PAM16: variants seen among roughly 807,000 people sequenced by gnomAD.
PAM16 encodes mitochondrial import inner membrane translocase subunit TIM16.
PAM16 carries 11 observed loss-of-function variants against 17.9 expected under a neutral mutation model. The ratio of observed to expected loss-of-function variants is 0.62; its 90% confidence interval spans 0.39 to 1.02. The LOEUF is 1.02. Among genes scored for constraint, PAM16 ranks in the 50% least tolerant of loss-of-function variants. PAM16 has a pLI of 0.01. For missense variants in PAM16, 199 were observed against 165.4 expected, an observed-to-expected ratio of 1.20 and a Z score of -1.11; for synonymous variants, 72 against 67.4, an observed-to-expected ratio of 1.07 and a Z score of -0.34.
intron 4 of PAM16, 52 bp downstream of exon 4, chr16:4,340,868 G>A (rs2053633065): frequency 6.2e-7 from 1 of 1,605,692 alleles, no homozygotes; most frequent in Non-Finnish European, 8.5e-7. Context: ...AGCCCCAGGT[G>A]AGAAGAAGGG....
rs2053856910 is a variant in PAM16 at position 4,351,314 on chromosome 16, A to G, written c.-80T>C. On this transcript the variant is annotated 5_prime_UTR_variant, in exon 1 of 5. Coordinates refer to ENST00000318059, the MANE Select transcript of PAM16 (RefSeq NM_016069.11). Reference sequence around the variant, plus strand: ...GGATCAAGCGTGGTCGGCGGGTCAGAGGTCAAGGAAAGCCGCAGAGAGCGC... The same window carrying G: ...GGATCAAGCGTGGTCGGCGGGTCAGGGGTCAAGGAAAGCCGCAGAGAGCGC... 2.6e-6 allele frequency: 3 copies of G among 1,171,456 alleles called. No individual in the cohort carries two copies. The highest frequency in any genetic ancestry group is 3.4e-6 in the Non-Finnish European group (3 of 871,390). 72.6% of individuals were successfully genotyped at this position (1,171,456 alleles called of 1,614,324 possible).
chr16:4,351,180 C>A (rs961203631), intron 1 of PAM16, 52 bp downstream of exon 1: 13 of 1,192,610 alleles, frequency 1.1e-5, no homozygotes, highest in Admixed American at 6.9e-5. Flanking sequence ...GGCCCCCGGC[C>A]CCCGGCCCGA....
chr16:4,343,082 A>G, intron 2 of PAM16, 125 bp downstream of exon 2: 2 of 1,277,698 alleles, frequency 1.6e-6, no homozygotes, highest in Non-Finnish European at 1.1e-6. Context: ...ATCACCCCCC[A>G]CCATGGGAAG....
At chr16:4,344,365 T>A (rs1304184628) in intron 1 of PAM16, among the ~76,000 whole-genome samples, 1 of 708 alleles carries the variant, frequency 1.4e-3, no homozygotes, top group African/African-American at 9.3e-3. Context: ...AAGAGGGGGT[T>A]CTGTGTGAGA....
chr16:4,349,352 G>A (rs1465045102), intron 1 of PAM16, among the ~76,000 whole-genome samples: 1 of 152,160 alleles, frequency 6.6e-6, no homozygotes, highest in East Asian at 1.9e-4. Flanking sequence ...AGGACTGCTT[G>A]GGCCCAGAAG....
At chr16:4,344,833 T>C (rs2053727560) in intron 1 of PAM16, among the ~76,000 whole-genome samples, 2 of 133,002 alleles carry the variant, frequency 1.5e-5, no homozygotes, top group African/African-American at 2.8e-5. Flanking sequence ...GAGGAGGGGG[T>C]TCTGTGAGAG....
rs138582542 is a variant in PAM16 at position 4,344,656 on chromosome 16, C to T, written c.4-1365G>A. ...GGGGTTCCGTGAGAGGAGGGGGTTC[C>T]GTGAGAGGAGGGGGTTCTGTGAGAG... On this transcript the variant is annotated intron_variant, in intron 1 of 4. Transcript: ENST00000318059. Among the ~76,000 whole-genome samples the T allele has an allele frequency of 5.1e-3, 5 of 990 alleles. 1 individual carries two copies. Among genetic ancestry groups the T allele is most frequent in the African/African-American group, 0.013 (2 of 152 alleles). The allele number at this position is 990 out of a possible 152,430, so 0.6% of individuals were successfully genotyped here.
chr16:4,346,712 G>C (rs1488499715), intron 1 of PAM16: 1 of 152,044 alleles, frequency 6.6e-6, no homozygotes, highest in African/African-American at 2.4e-5. Flanking sequence ...TTTGGTTTGG[G>C]TCTTTTATTT....
At chr16:4,348,604 C>T (rs1396035791) in intron 1 of PAM16, 2 of 152,382 alleles carry the variant, frequency 1.3e-5, no homozygotes, top group Non-Finnish European at 2.9e-5. Context: ...TATCATTCCC[C>T]ATCCCCCGGG....
At chr16:4,342,601 C>G (rs2053665973) in intron 2 of PAM16, among the ~76,000 whole-genome samples, 1 of 151,740 alleles carries the variant, frequency 6.6e-6, no homozygotes. Context: ...TTGCAGTGAG[C>G]CAAGATCGCA....
chr16:4,350,147 C>T (rs1286418393), intron 1 of PAM16, among the ~76,000 whole-genome samples: 1 of 151,654 alleles, frequency 6.6e-6, no homozygotes, highest in Admixed American at 6.6e-5. Context: ...GAGAGTTTTG[C>T]CCTGTCGCCC....
At chr16:4,343,072 A>G (rs1469683748) in intron 2 of PAM16, 135 bp downstream of exon 2, 1 of 1,180,748 alleles carries the variant, frequency 8.5e-7, no homozygotes, top group Non-Finnish European at 1.2e-6. Flanking sequence ...CCGGTCTGGC[A>G]TCACCCCCCA....
Position 4,340,911 on chromosome 16 carries a change from A to G in PAM16, c.291+9T>C. On this transcript the variant is annotated intron_variant, in intron 4 of 4. Transcript: ENST00000318059. ...GACTTCATTCCTCCCAGAATCAAAG[A>G]CCACTCACCTTTGACTGCAGGTAGA... The G allele has an allele frequency of 6.2e-7, 1 of 1,612,862 alleles. No homozygotes were observed. The highest frequency in any genetic ancestry group is 8.5e-7 in the Non-Finnish European group (1 of 1,179,636).
chr16:4,342,723 T>C (rs1316070175), intron 2 of PAM16, among the ~76,000 whole-genome samples: 1 of 151,574 alleles, frequency 6.6e-6, no homozygotes, highest in Non-Finnish European at 1.5e-5. Context: ...TCCCAGCACT[T>C]TGAGGCAGGC....
chr16:4,346,320 C>A (rs1341492120), intron 1 of PAM16, among the ~76,000 whole-genome samples: 1 of 152,176 alleles, frequency 6.6e-6, no homozygotes, highest in Non-Finnish European at 1.5e-5. Context: ...TTTGAGCAAC[C>A]CAGTTTGCTT....
In PAM16 at chr16:4,351,222, C is replaced by T. The variant is rs1304955399; in HGVS notation, c.3+10G>A. On this transcript the variant is annotated intron_variant, in intron 1 of 4. Coordinates refer to ENST00000318059, the MANE Select transcript of PAM16 (RefSeq NM_016069.11). The stretch of plus-strand genomic sequence containing the variant: ...TTCCCCTCCCCGGTAGCGCCCGACT[C>T]GGGGCTCACCATGGCAGCCGCTCTG... 3 of 1,438,688 alleles carry T rather than the reference C, an allele frequency of 2.1e-6. No individual in the cohort carries two copies. The highest frequency in any genetic ancestry group is 2.9e-5 in the African/African-American group (2 of 69,130). 89.1% of individuals were successfully genotyped at this position (1,438,688 alleles called of 1,614,324 possible). A position where few individuals can be genotyped will look rare whatever the true frequency, so the allele number is the denominator to read the frequency against.
chr16:4,344,190 AG>A, intron 1 of PAM16: 1 of 216,044 alleles, frequency 4.6e-6, no homozygotes. Flanking sequence ...CGGTGAGAGG[AG>A]GGGGTTCTGT....
At chr16:4,351,191 C>G in intron 1 of PAM16, 41 bp downstream of exon 1, 1 of 1,283,378 alleles carries the variant, frequency 7.8e-7, no homozygotes, top group Non-Finnish European at 1.0e-6. Flanking sequence ...CCCGGCCCGA[C>G]TCGGCTTCCC....
intron 1 of PAM16, chr16:4,343,744 C>A (rs931677051): frequency 1.6e-5 from 7 of 429,020 alleles, no homozygotes; most frequent in Non-Finnish European, 2.4e-5. Flanking sequence ...AACGGGGAAA[C>A]AGATCTGTCC....
Sources: allele counts gnomAD v4.1 joint callset (sites outside exome capture counted in the v4.1 genomes callset), GRCh38; gene constraint gnomAD v4.1.1; transcripts MANE v1.5; gene names NCBI Gene and HGNC (gene_info 2026-07-23, HGNC 2026-07-21).